GCNT2: variants seen among roughly 807,000 people sequenced by gnomAD.
GCNT2 encodes the protein glucosaminyl (N-acetyl) transferase 2 (I blood group), also known as N-acetyllactosaminide beta-1,6-N-acetylglucosaminyl-transferase.
GCNT2 carries 34 observed loss-of-function variants against 34.2 expected under a neutral mutation model. The ratio of observed to expected loss-of-function variants is 1.00; its 90% CI spans 0.76 to 1.32. The LOEUF (loss-of-function observed/expected upper bound fraction) is 1.32, where lower values mean the gene tolerates loss of function less well. Among genes scored for constraint, GCNT2 ranks in the 40% most tolerant of loss-of-function variants. GCNT2 has a pLI of 0.00. For missense variants in GCNT2, 584 were observed against 489.4 expected, an observed-to-expected ratio of 1.19 and a Z score of -1.82; for synonymous variants, 212 against 188.0, an observed-to-expected ratio of 1.13 and a Z score of -1.04.
intron 3 of GCNT2, among the ~76,000 whole-genome samples, chr6:10,610,359 G>A (rs1157144396): frequency 6.6e-6 from 1 of 152,166 alleles, no homozygotes; most frequent in Non-Finnish European, 1.5e-5. Flanking sequence ...CTGGGAATAT[G>A]GAAGCTGAAG....
In GCNT2 at chr6:10,555,865, C is replaced by T. The variant is rs898838607; in HGVS notation, c.925+26029C>T. 1.0e-5 allele frequency: 10 copies of T among 991,460 alleles called. No homozygotes were observed. In the African/African-American group the frequency reaches 1.4e-4, roughly 14 times the overall value. The allele number at this position is 991,460 out of a possible 1,614,324, so 61.4% of individuals were successfully genotyped here. On this transcript the variant is annotated intron_variant, in intron 3 of 4. Transcript: ENST00000495262. ...GGAAAACAGAAGCTATTTTCTATCC[C>T]GTGGGTTGCGCTGGAAGAGCTGAGA...
intron 3 of GCNT2, among the ~76,000 whole-genome samples, chr6:10,539,659 G>A (rs1761949501): frequency 6.6e-6 from 1 of 152,122 alleles, no homozygotes; most frequent in African/African-American, 2.4e-5. Context: ...AGAGAAAACA[G>A]ATGAACTTCT....
rs1466819621 is a variant in GCNT2, at chr6:10,529,734, A to C, written c.823A>C (p.Asn275His). ...CGTGGCTCTCACAAGGGACTTTGCT[A>C]ACTTCGTCCTCCAAGACCAGCTCGC... The part of the protein sequence containing the change: ...AYVALTRDFA[N>H]FVLQDQLALD... The change falls in exon 3 of 5, where the codon AAC becomes CAC. Residue 275 changes from asparagine to histidine, a missense_variant. Transcript: ENST00000495262. 1 of 1,614,076 alleles carries C rather than the reference A, an allele frequency of 6.2e-7. No homozygotes were observed. The highest frequency in any genetic ancestry group is 1.7e-5 in the Admixed American group (1 of 60,010).
At chr6:10,604,652 GGAGTTT>G (rs1476683530) in intron 3 of GCNT2, among the ~76,000 whole-genome samples, 1 of 152,092 alleles carries the variant, frequency 6.6e-6, no homozygotes, top group Non-Finnish European at 1.5e-5. Flanking sequence ...CTCAAACCCA[GGAGTTT>G]GAGACCAGCC....
chr6:10,572,332 C>A (rs2169276), intron 3 of GCNT2, among the ~76,000 whole-genome samples: 4,776 of 152,216 alleles, frequency 0.031, 235 homozygotes, highest in African/African-American at 0.1. Flanking sequence ...CCCTGAAGAC[C>A]CCAACCAAAG....
intron 3 of GCNT2, chr6:10,555,872 T>G: frequency 1.0e-6 from 1 of 992,456 alleles, no homozygotes; most frequent in South Asian, 4.6e-5. Context: ...TCCCGTGGGT[T>G]GCGCTGGAAG....
At chr6:10,543,235 G>A (rs924739600) in intron 3 of GCNT2, among the ~76,000 whole-genome samples, 3 of 146,912 alleles carry the variant, frequency 2.0e-5, no homozygotes, top group East Asian at 2.0e-4. Flanking sequence ...ACAGAGTCTC[G>A]CTCTGTCGCC....
chr6:10,553,234 C>T (rs1055689596), intron 3 of GCNT2, among the ~76,000 whole-genome samples: 12 of 152,192 alleles, frequency 7.9e-5, no homozygotes, highest in African/African-American at 2.9e-4. Context: ...CTCCAGCTGG[C>T]ACGCCCTGCC....
chr6:10,621,574 G>A, intron 4 of GCNT2, 131 bp downstream of exon 4: 1 of 706,382 alleles, frequency 1.4e-6, no homozygotes, highest in Non-Finnish European at 2.6e-6. Flanking sequence ...TATTGGAGAA[G>A]CCAGAGGCTT....
At chr6:10,537,648 C>T (rs1373197899) in intron 3 of GCNT2, among the ~76,000 whole-genome samples, 1 of 135,882 alleles carries the variant, frequency 7.4e-6, no homozygotes, top group Non-Finnish European at 1.5e-5. Flanking sequence ...TTGCAGTGAG[C>T]CGAGATTGTG....
At chr6:10,545,328 C>G (rs1425935246) in intron 3 of GCNT2, among the ~76,000 whole-genome samples, 1 of 152,184 alleles carries the variant, frequency 6.6e-6, no homozygotes, top group Non-Finnish European at 1.5e-5. Flanking sequence ...TCTGCGCTAT[C>G]GACATTTGAC....
chr6:10,550,025 A>T (rs369691898), intron 3 of GCNT2, among the ~76,000 whole-genome samples: 8 of 152,208 alleles, frequency 5.3e-5, no homozygotes, highest in African/African-American at 1.9e-4. Context: ...TTTACTATGT[A>T]TTTCCAAATT....
intron 3 of GCNT2, among the ~76,000 whole-genome samples, chr6:10,541,074 C>G (rs543295043): frequency 6.6e-6 from 1 of 151,150 alleles, no homozygotes; most frequent in Non-Finnish European, 1.5e-5. Context: ...CATAGGTAAA[C>G]GTGTGCCACA....
In GCNT2 at chr6:10,528,830, C is replaced by A; in HGVS notation, c.-82C>A. Reference sequence around the variant, plus strand: ...AGCCATCACGAGGATGATTTCGGAACCTGGAGAAAATGTAAGTTAAATATA... The same window carrying A: ...AGCCATCACGAGGATGATTTCGGAAACTGGAGAAAATGTAAGTTAAATATA... On this transcript the variant is annotated 5_prime_UTR_variant, in exon 3 of 5. Transcript: ENST00000495262. 8.6e-7 allele frequency: 1 copy of A among 1,156,250 alleles called. No homozygotes were observed. Among genetic ancestry groups the A allele is most frequent in the Non-Finnish European group, 1.3e-6 (1 of 767,992 alleles). The allele number at this position is 1,156,250 out of a possible 1,614,324, so 71.6% of individuals were successfully genotyped here.
chr6:10,551,910 A>AC (rs1318903920), intron 3 of GCNT2, among the ~76,000 whole-genome samples: 1 of 151,650 alleles, frequency 6.6e-6, no homozygotes, highest in Non-Finnish European at 1.5e-5. Flanking sequence ...GGTGCCCGCC[A>AC]CCATGCCCAG....
In GCNT2 at chr6:10,594,154, G is replaced by A. The variant is rs79955142; in HGVS notation, c.926-27197G>A. On this transcript the variant is annotated intron_variant, in intron 3 of 4. Coordinates refer to ENST00000495262, the MANE Select transcript of GCNT2 (RefSeq NM_145649.5). Reference sequence around the variant, plus strand: ...TACCCCGAAGTTTCTGATTCAGCAGGTCTGGAGCAGTCCCCAGAATTTGCA... The same window carrying A: ...TACCCCGAAGTTTCTGATTCAGCAGATCTGGAGCAGTCCCCAGAATTTGCA... Among the ~76,000 whole-genome samples the A allele has an allele frequency of 4.3e-4, 66 of 152,322 alleles. 1 individual carries two copies. Among genetic ancestry groups the A allele is most frequent in the African/African-American group, 1.5e-3 (62 of 41,562 alleles).
chr6:10,623,382 C>G (rs1255309200), intron 4 of GCNT2, among the ~76,000 whole-genome samples: 1 of 151,590 alleles, frequency 6.6e-6, no homozygotes, highest in African/African-American at 2.4e-5. Flanking sequence ...ACCTCCGTCT[C>G]CCGGGTTCAA....
At chr6:10,524,337 G>A (rs1449934285) in intron 1 of GCNT2, among the ~76,000 whole-genome samples, 5 of 149,264 alleles carry the variant, frequency 3.3e-5, no homozygotes, top group Non-Finnish European at 7.4e-5. Flanking sequence ...CGCAACCTTC[G>A]CCTCCCGGGG....
At chr6:10,580,189 A>G (rs1318775968) in intron 3 of GCNT2, among the ~76,000 whole-genome samples, 1 of 152,024 alleles carries the variant, frequency 6.6e-6, no homozygotes, top group East Asian at 1.9e-4. Context: ...GATAAAATTC[A>G]GGTTTCTCAC....
Sources: allele counts gnomAD v4.1 joint callset (sites outside exome capture counted in the v4.1 genomes callset), GRCh38; gene constraint gnomAD v4.1.1; transcripts MANE v1.5; gene names NCBI Gene and HGNC (gene_info 2026-07-23, HGNC 2026-07-21).